CCL14: variants seen among roughly 807,000 people sequenced by gnomAD.
CCL14 encodes the protein C-C motif chemokine 14.
A neutral mutation model predicts 8.2 loss-of-function variants in CCL14; 8 were observed. The observed-to-expected ratio is 0.98, with a 90% confidence interval of 0.57 to 1.76. The LOEUF is 1.76. Among genes scored for constraint, CCL14 ranks in the 40% most tolerant of loss-of-function variants. CCL14 has a pLI of 0.00. For synonymous variants in CCL14, 50 were observed against 43.2 expected (o/e 1.16, Z -0.62); for missense variants, 127 against 118.3 (o/e 1.07, Z -0.34).
intron 1 of CCL14, chr17:35,984,960 G>A: frequency 5.5e-6 from 1 of 182,192 alleles, no homozygotes; most frequent in Non-Finnish European, 1.1e-5. Context: ...CCGACAACCT[G>A]CAGAGAGAGC....
Position 35,983,757 on chromosome 17 carries a change from C to T in CCL14, c.*44G>A, listed in dbSNP as rs770664855. 33 of 1,414,870 alleles carry T rather than the reference C, an allele frequency of 2.3e-5. No homozygotes were observed. The highest frequency in any genetic ancestry group is 2.2e-5 in the Non-Finnish European group (22 of 998,262). 87.6% of individuals were successfully genotyped at this position (1,414,870 alleles called of 1,614,324 possible). A position where few individuals can be genotyped will look rare whatever the true frequency, so the allele number is the denominator to read the frequency against. On this transcript the variant is annotated 3_prime_UTR_variant, in exon 3 of 3. Coordinates refer to ENST00000618404, the MANE Select transcript of CCL14 (RefSeq NM_032963.4). ...GGAGGAGGGGGCCTTGGCATCTTCT[C>T]TTTATGTCTCTGAGCTGTGCCTTCG...
At chr17:35,986,502 C>T (rs1444974495) in intron 1 of CCL14, 69 bp downstream of exon 1, 3 of 1,292,206 alleles carry the variant, frequency 2.3e-6, no homozygotes, top group Non-Finnish European at 3.4e-6. Flanking sequence ...TTCCCCTGAG[C>T]CCCAACCTCA....
At chr17:35,986,480 C>T in intron 1 of CCL14, 91 bp downstream of exon 1, 1 of 966,934 alleles carries the variant, frequency 1.0e-6, no homozygotes, top group East Asian at 2.4e-5. Flanking sequence ...TTCTGAGTCC[C>T]TGCTCCTGGT....
At chr17:35,985,077 C>T (rs978070663) in intron 1 of CCL14, 2 of 155,488 alleles carry the variant, frequency 1.3e-5, no homozygotes, top group South Asian at 2.0e-4. Flanking sequence ...TTTTACTTTC[C>T]CCCTGTTCCC....
At chr17:35,986,258 G>A (rs1568458477) in intron 1 of CCL14, 1 of 408,952 alleles carries the variant, frequency 2.4e-6, no homozygotes, top group Non-Finnish European at 4.4e-6. Flanking sequence ...GGGCATTTGG[G>A]GTAGTGGAAT....
rs139891933 is a variant in CCL14 at position 35,985,256 on chromosome 17, A to T, written c.80-804T>A. On this transcript the variant is annotated intron_variant, in intron 1 of 2. Coordinates refer to ENST00000618404, the MANE Select transcript of CCL14 (RefSeq NM_032963.4). ...TTTACATATTGGGCCTCTGTGGAAG[A>T]TATTGCTTGAAGAAAAGGTTTTGTG... The T allele has an allele frequency of 4.5e-4, 72 of 158,560 alleles. 2 individuals are homozygous for T. The East Asian group carries it at 9.3e-3, about 21-fold the overall frequency. 9.8% of individuals were successfully genotyped at this position (158,560 alleles called of 1,614,324 possible).
Position 35,983,721 on chromosome 17 carries a change from T to C in CCL14, c.*80A>G, listed in dbSNP as rs2089708485. 1.1e-6 allele frequency: 1 copy of C among 950,880 alleles called. No individual in the cohort carries two copies. The highest frequency in any genetic ancestry group is 1.7e-6 in the Non-Finnish European group (1 of 576,932). 58.9% of individuals were successfully genotyped at this position (950,880 alleles called of 1,614,324 possible). ...CAAGAGGGTGACTGGGGCTGAGAGT[T>C]AGCGGTGGGTGGAGGAGGGGGCCTT... On this transcript the variant is annotated 3_prime_UTR_variant, in exon 3 of 3. Coordinates refer to ENST00000618404, the MANE Select transcript of CCL14 (RefSeq NM_032963.4).
chr17:35,983,921 G>A lies in CCL14; in HGVS notation c.195-33C>T, dbSNP rs374433864. The stretch of plus-strand genomic sequence containing the variant: ...GCAAGAGGGAGAAGGATCACAAACC[G>A]AGGGGCCCAGTGGCCGGAAGAGACA... On this transcript the variant is annotated intron_variant, in intron 2 of 2. Transcript: ENST00000618404. 40 of 1,519,292 alleles carry A rather than the reference G, an allele frequency of 2.6e-5. No individual in the cohort carries two copies. In the African/African-American group the frequency reaches 3.4e-4, roughly 13 times the overall value. The allele number at this position is 1,519,292 out of a possible 1,614,324, so 94.1% of individuals were successfully genotyped here.
chr17:35,984,063 C>T (rs1037691809), intron 2 of CCL14, among the ~76,000 whole-genome samples, 175 bp from the exon 3 acceptor site: 2 of 152,290 alleles, frequency 1.3e-5, no homozygotes, highest in South Asian at 2.1e-4. Flanking sequence ...TTCCTAGGAC[C>T]CCTAGACCCA....
intron 1 of CCL14, chr17:35,984,667 C>T: frequency 3.4e-6 from 2 of 590,226 alleles, no homozygotes; most frequent in Non-Finnish European, 3.0e-6. Context: ...AATCACCCTT[C>T]CTCCTTTTCT....
chr17:35,984,005 C>A, intron 2 of CCL14, 117 bp from the exon 3 acceptor site: 3 of 793,680 alleles, frequency 3.8e-6, no homozygotes, highest in Non-Finnish European at 6.7e-6. Context: ...TCCTTTCTTC[C>A]ACAGAGGCAG....
Position 35,983,736 on chromosome 17 carries a change from G to T in CCL14, c.*65C>A. 4 of 1,128,290 alleles carry T rather than the reference G, an allele frequency of 3.5e-6. No homozygotes were observed. In the South Asian group the frequency reaches 4.9e-5, roughly 14 times the overall value. 69.9% of individuals were successfully genotyped at this position (1,128,290 alleles called of 1,614,324 possible). On this transcript the variant is annotated 3_prime_UTR_variant, in exon 3 of 3. Transcript: ENST00000618404. ...GGCTGAGAGTTAGCGGTGGGTGGAG[G>T]AGGGGGCCTTGGCATCTTCTCTTTA...
intron 1 of CCL14, chr17:35,984,890 C>T (rs2089738185): frequency 3.4e-6 from 1 of 290,712 alleles, no homozygotes; most frequent in Non-Finnish European, 6.3e-6. Context: ...GGAGACATGC[C>T]ATTTGGGAAT....
In CCL14 at chr17:35,984,868, CA is replaced by C. The variant is rs1160209405; in HGVS notation, c.80-417del. 3.1e-5 allele frequency: 11 copies of C among 351,080 alleles called. No individual in the cohort carries two copies. In the East Asian group the frequency reaches 4.8e-4, roughly 15 times the overall value. 21.7% of individuals were successfully genotyped at this position (351,080 alleles called of 1,614,324 possible). ...TAGGAGGAATATTTGGAAGAAATCC[CA>C]ATAGGGATTTGGAGACATGCCATTT... On this transcript the variant is annotated intron_variant, in intron 1 of 2. Coordinates refer to ENST00000618404, the MANE Select transcript of CCL14 (RefSeq NM_032963.4).
Position 35,985,781 on chromosome 17 carries a change from G to T in CCL14, c.79+790C>A, listed in dbSNP as rs1299980680. On this transcript the variant is annotated intron_variant, in intron 1 of 2. Transcript: ENST00000618404. Reference sequence around the variant, plus strand: ...TTTAGCTGTATTTTAACAACCTTCGGTTTCCCCCCAGTTTCTGAAAAGGAG... The same window carrying T: ...TTTAGCTGTATTTTAACAACCTTCGTTTTCCCCCCAGTTTCTGAAAAGGAG... 5 of 1,551,342 alleles carry T rather than the reference G, an allele frequency of 3.2e-6. No individual in the cohort carries two copies. In the Admixed American group the frequency reaches 9.8e-5, roughly 30 times the overall value.
intron 1 of CCL14, 36 bp from the exon 2 acceptor site, chr17:35,984,488 C>G: frequency 7.1e-7 from 1 of 1,407,882 alleles, no homozygotes; most frequent in Non-Finnish European, 1.0e-6. Context: ...GGAGGGGCCC[C>G]TTGTTAAAGG....
intron 1 of CCL14, chr17:35,986,265 G>A (rs1313257437): frequency 4.8e-6 from 2 of 418,946 alleles, no homozygotes; most frequent in Non-Finnish European, 8.5e-6. Flanking sequence ...TGGGGTAGTG[G>A]AATGAAGCCT....
In CCL14 at chr17:35,986,573, G is replaced by C. The variant is rs1355977352; in HGVS notation, c.77C>G (p.Ser26Ter). ...IALGTKTESSSRGPYHPSECC... is the reference protein window; with the variant it reads ...IALGTKTESS The stretch of plus-strand genomic sequence containing the variant: ...GGAAGACAAGGCATTGCACTCACGT[G>C]AGGAGGATTCAGTCTTGGTCCCTAG... The change falls in exon 1 of 3, where the codon TCA (serine) becomes TGA (stop). Residue 26 changes from serine (S) to a stop codon, truncating the protein, a stop_gained and splice_region_variant. Coordinates refer to ENST00000618404, the MANE Select transcript of CCL14 (RefSeq NM_032963.4). LOFTEE classifies it high-confidence loss of function. 1.2e-6 allele frequency: 2 copies of C among 1,612,356 alleles called. No individual in the cohort carries two copies. Among genetic ancestry groups the C allele is most frequent in the Non-Finnish European group, 1.7e-6 (2 of 1,178,474 alleles).
At chr17:35,983,919 C>A in intron 2 of CCL14, 31 bp from the exon 3 acceptor site, 1 of 1,535,106 alleles carries the variant, frequency 6.5e-7, no homozygotes, top group Non-Finnish European at 9.0e-7. Flanking sequence ...GGATCACAAA[C>A]CGAGGGGCCC....
Sources: allele counts gnomAD v4.1 joint callset (sites outside exome capture counted in the v4.1 genomes callset), GRCh38; gene constraint gnomAD v4.1.1; transcripts MANE v1.5; gene names NCBI Gene and HGNC (gene_info 2026-07-23, HGNC 2026-07-21).